PKD2: variants seen among roughly 807,000 people sequenced by gnomAD.
PKD2 encodes the protein polycystin-2.
Under a neutral mutation model 105.9 loss-of-function variants are expected in PKD2, and 48 were observed. That is an observed-to-expected ratio of 0.45 (90% CI 0.36 to 0.58). The LOEUF is 0.58. Ranked by LOEUF, PKD2 falls within the 20% of genes least tolerant of loss-of-function variation. PKD2 has a pLI of 0.00. For missense variants in PKD2, 1,078 were observed against 1,255.3 expected, an observed-to-expected ratio of 0.86 and a Z score of 2.13; for synonymous variants, 464 against 481.1, an observed-to-expected ratio of 0.96 and a Z score of 0.46.
At chr4:88,037,562 AG>A (rs1270374227) in intron 3 of PKD2, among the ~76,000 whole-genome samples, 1 of 152,238 alleles carries the variant, frequency 6.6e-6, no homozygotes, top group Non-Finnish European at 1.5e-5. Context: ...CATATATAAA[AG>A]TACCTGGCAT....
Position 88,077,739 on chromosome 4 carries a change from G to A in PKD2, c.*2045G>A, listed in dbSNP as rs1002862129. The A allele has an allele frequency of 6.6e-6, 1 of 152,082 alleles. No individual in the cohort carries two copies. Among genetic ancestry groups the A allele is most frequent in the Non-Finnish European group, 1.5e-5 (1 of 68,016 alleles). 9.4% of individuals were successfully genotyped at this position (152,082 alleles called of 1,614,324 possible). A position where few individuals can be genotyped will look rare whatever the true frequency, so the allele number is the denominator to read the frequency against. On this transcript the variant is annotated 3_prime_UTR_variant, in exon 15 of 15. Coordinates refer to ENST00000237596, the MANE Select transcript of PKD2 (RefSeq NM_000297.4). ...AAGAATGTTATTAATGTGTAATACT[G>A]AGCACTTTACTTCTTAATAAAAACT...
At chr4:88,074,769 A>C in intron 13 of PKD2, 43 bp from the exon 14 acceptor site, 1 of 1,611,822 alleles carries the variant, frequency 6.2e-7, no homozygotes, top group Non-Finnish European at 8.5e-7. Context: ...CTGAAAAGAC[A>C]ATGACAAGCA....
intron 10 of PKD2, among the ~76,000 whole-genome samples, chr4:88,062,956 G>A (rs1720634444): frequency 6.6e-6 from 1 of 152,112 alleles, no homozygotes; most frequent in South Asian, 2.1e-4. Flanking sequence ...CCCCAGTTTT[G>A]TTATGTAACA....
intron 10 of PKD2, among the ~76,000 whole-genome samples, chr4:88,063,131 T>G (rs936895390): frequency 6.6e-6 from 1 of 152,252 alleles, no homozygotes; most frequent in African/African-American, 2.4e-5. Context: ...GACACTATTT[T>G]CAGTCTGTTA....
chr4:88,075,942 G>T lies in PKD2; in HGVS notation c.*248G>T. ...TACAGAAAAAAAATCTTCATGATGT[G>T]TATTGAGCGGTACGCCCAGTTGCCA... On this transcript the variant is annotated 3_prime_UTR_variant, in exon 15 of 15. Transcript: ENST00000237596. 1 of 493,536 alleles carries T rather than the reference G, an allele frequency of 2.0e-6. No individual in the cohort carries two copies. The highest frequency in any genetic ancestry group is 2.2e-5 in the South Asian group (1 of 46,062). The allele number at this position is 493,536 out of a possible 1,614,324, so 30.6% of individuals were successfully genotyped here. A position where few individuals can be genotyped will look rare whatever the true frequency, so the allele number is the denominator to read the frequency against.
chr4:88,059,741 A>ATACG (rs1553927220), intron 9 of PKD2, among the ~76,000 whole-genome samples: 7 of 142,984 alleles, frequency 4.9e-5, no homozygotes, highest in African/African-American at 1.1e-4. Flanking sequence ...AGATACATAC[A>ATACG]TACGTACATA....
At chr4:88,023,702 T>C (rs1726848882) in intron 2 of PKD2, among the ~76,000 whole-genome samples, 2 of 152,224 alleles carry the variant, frequency 1.3e-5, no homozygotes, top group African/African-American at 2.4e-5. Flanking sequence ...GAAATATCAT[T>C]GTGAAGATTA....
At chr4:88,011,912 C>A (rs1283836638) in intron 1 of PKD2, among the ~76,000 whole-genome samples, 6 of 124,210 alleles carry the variant, frequency 4.8e-5, no homozygotes, top group Admixed American at 1.7e-4. Context: ...GGGGGAGGGG[C>A]AGTTTTGCCC....
intron 13 of PKD2, among the ~76,000 whole-genome samples, chr4:88,069,750 C>G (rs192544484): frequency 6.6e-6 from 1 of 151,788 alleles, no homozygotes; most frequent in Admixed American, 6.6e-5. Context: ...GTATATTAAC[C>G]TACTTTTTTA....
chr4:88,046,748 T>A lies in PKD2; in HGVS notation c.1426T>A (p.Cys476Ser), dbSNP rs1390273083. The A allele has an allele frequency of 6.2e-7, 1 of 1,612,546 alleles. No individual in the cohort carries two copies. Among genetic ancestry groups the A allele is most frequent in the Admixed American group, 1.7e-5 (1 of 60,024 alleles). Residue 476 changes from cysteine to serine, a missense_variant, in exon 6 of 15, where the codon TGT becomes AGT. By Grantham distance (112) the Cys-to-Ser change is moderately radical. Transcript: ENST00000237596. The stretch of plus-strand genomic sequence containing the variant: ...AACTTTTGATTTCTTCCTGGCAGCC[T>A]GTGAGATTATCTTTTGTTTCTTTAT... ...VTTFDFFLAA[C>S]EIIFCFFIFY...
intron 2 of PKD2, 48 bp from the exon 3 acceptor site, chr4:88,036,172 G>A (rs768291757): frequency 3.1e-6 from 5 of 1,613,562 alleles, no homozygotes; most frequent in Non-Finnish European, 4.2e-6. Context: ...GTATGTGAAT[G>A]TGTGCCGGTT....
At chr4:88,050,504 C>T (rs1720029127) in intron 6 of PKD2, among the ~76,000 whole-genome samples, 1 of 152,086 alleles carries the variant, frequency 6.6e-6, no homozygotes, top group Admixed American at 6.6e-5. Flanking sequence ...TCTTTCATTC[C>T]CTATTTGGAA....
At chr4:88,044,738 A>G (rs950744682) in intron 5 of PKD2, among the ~76,000 whole-genome samples, 8 of 152,188 alleles carry the variant, frequency 5.3e-5, no homozygotes, top group African/African-American at 1.7e-4. Flanking sequence ...GTGTGCCAGC[A>G]TGTTGACAAT....
chr4:88,017,084 G>T (rs959088862), intron 1 of PKD2, among the ~76,000 whole-genome samples: 1 of 152,138 alleles, frequency 6.6e-6, no homozygotes, highest in Non-Finnish European at 1.5e-5. Flanking sequence ...AGCACTTTGG[G>T]AGGCTGAAGC....
At chr4:88,019,028 A>G (rs921367714) in intron 1 of PKD2, among the ~76,000 whole-genome samples, 2 of 152,220 alleles carry the variant, frequency 1.3e-5, no homozygotes, top group Non-Finnish European at 2.9e-5. Flanking sequence ...TACTTGAAAT[A>G]TAATTACATC....
intron 6 of PKD2, among the ~76,000 whole-genome samples, chr4:88,050,160 G>C (rs1463706908): frequency 1.3e-5 from 2 of 151,930 alleles, no homozygotes; most frequent in African/African-American, 2.4e-5. Context: ...ATTTTTAGTA[G>C]AGACAGGGTT....
At chr4:88,068,103 C>G (rs1380137634) in intron 13 of PKD2, 42 bp downstream of exon 13, 1 of 1,446,112 alleles carries the variant, frequency 6.9e-7, no homozygotes, top group Non-Finnish European at 9.7e-7. Flanking sequence ...TGACAAGAGT[C>G]CACATGAGAC....
chr4:88,020,354 T>C (rs1726704850), intron 2 of PKD2, among the ~76,000 whole-genome samples: 1 of 152,234 alleles, frequency 6.6e-6, no homozygotes, highest in Non-Finnish European at 1.5e-5. Flanking sequence ...TTTTAATTCA[T>C]TATTTCTTCT....
intron 7 of PKD2, among the ~76,000 whole-genome samples, chr4:88,052,371 C>T (rs1353699859): frequency 2.0e-5 from 3 of 152,190 alleles, no homozygotes; most frequent in South Asian, 2.1e-4. Flanking sequence ...CAGGCCCAAG[C>T]GATCCTCCCA....
Sources: allele counts gnomAD v4.1 joint callset (sites outside exome capture counted in the v4.1 genomes callset), GRCh38; gene constraint gnomAD v4.1.1; transcripts MANE v1.5; gene names NCBI Gene and HGNC (gene_info 2026-07-23, HGNC 2026-07-21).